TASP1: variants seen among roughly 807,000 people sequenced by gnomAD.
The protein encoded by TASP1 is threonine aspartase 1.
In TASP1, 16 loss-of-function variants were observed where a neutral mutation model predicts 56.6. That is an observed-to-expected ratio of 0.28 (90% confidence interval 0.19 to 0.43). The LOEUF (loss-of-function observed/expected upper bound fraction) is 0.43, where lower values mean the gene tolerates loss of function less well. Ranked by LOEUF, TASP1 falls within the 20% of genes least tolerant of loss-of-function variation. TASP1 has a pLI of 1.00. For synonymous variants in TASP1, 179 were observed against 184.2 expected, an observed-to-expected ratio of 0.97 and a Z score of 0.23; for missense variants, 393 against 511.6, an observed-to-expected ratio of 0.77 and a Z score of 2.24.
chr20:13,434,090 G>T (rs1170622761), intron 12 of TASP1, among the ~76,000 whole-genome samples: 1 of 151,940 alleles, frequency 6.6e-6, no homozygotes, highest in Non-Finnish European at 1.5e-5. Context: ...ACTTTGGAGG[G>T]GATAAAGACC....
chr20:13,392,779 C>A, intron 13 of TASP1: 1 of 608,170 alleles, frequency 1.6e-6, no homozygotes, highest in Non-Finnish European at 3.1e-6. Flanking sequence ...CATCAGTGAC[C>A]CCTTCCTTGA....
At chr20:13,581,657 T>C (rs953689278) in intron 5 of TASP1, among the ~76,000 whole-genome samples, 4 of 152,258 alleles carry the variant, frequency 2.6e-5, no homozygotes, top group East Asian at 1.9e-4. Flanking sequence ...CAGGACAGTT[T>C]TGAGTGTGAT....
intron 4 of TASP1, among the ~76,000 whole-genome samples, chr20:13,600,858 T>C (rs73088100): frequency 0.014 from 2,206 of 152,224 alleles, 23 homozygotes; most frequent in Middle Eastern, 0.034. Flanking sequence ...AGAGGCCCTA[T>C]AAACAATGAT....
At chr20:13,325,228 C>T in the TASP1 span, among the ~76,000 whole-genome samples, 1 of 152,194 alleles carries the variant, frequency 6.6e-6, no homozygotes, top group South Asian at 2.1e-4. Context: ...GGTATCACAA[C>T]TGAGACTTAT....
At chr20:13,283,898 C>T in the TASP1 span, among the ~76,000 whole-genome samples, 2 of 152,052 alleles carry the variant, frequency 1.3e-5, no homozygotes, top group African/African-American at 2.4e-5. Context: ...ATTATGGCCA[C>T]GTAAGAGCGT....
At chr20:13,156,349 A>G in the TASP1 span, among the ~76,000 whole-genome samples, 1 of 152,344 alleles carries the variant, frequency 6.6e-6, no homozygotes, top group East Asian at 1.9e-4. Context: ...AGAGTCCGTA[A>G]GTAGTGAAAA....
the TASP1 span, among the ~76,000 whole-genome samples, chr20:13,181,592 A>G: frequency 4.1e-3 from 618 of 152,332 alleles, 3 homozygotes; most frequent in African/African-American, 0.014. Context: ...ATGTCTTGAC[A>G]AAGAAACTAC....
the TASP1 span, among the ~76,000 whole-genome samples, chr20:13,268,426 T>A: frequency 7.1e-6 from 1 of 140,636 alleles, no homozygotes. Flanking sequence ...CAAACAATAA[T>A]ACATTTGGCC....
At chr20:13,628,596 G>A (rs907197485) in intron 2 of TASP1, among the ~76,000 whole-genome samples, 5 of 152,082 alleles carry the variant, frequency 3.3e-5, no homozygotes, top group South Asian at 4.2e-4. Flanking sequence ...GTCTAGATAT[G>A]GCCAAACGTT....
chr20:13,259,025 G>A, the TASP1 span, among the ~76,000 whole-genome samples: 1 of 152,190 alleles, frequency 6.6e-6, no homozygotes, highest in African/African-American at 2.4e-5. Context: ...GCTCATGCCT[G>A]TAATCCCAAC....
intron 4 of TASP1, among the ~76,000 whole-genome samples, chr20:13,601,119 A>C (rs150081515): frequency 3.2e-4 from 49 of 152,270 alleles, no homozygotes; most frequent in African/African-American, 1.1e-3. Flanking sequence ...CTAAAAAATA[A>C]AATACAAAAA....
the TASP1 span, among the ~76,000 whole-genome samples, chr20:13,190,077 A>G: frequency 6.6e-6 from 1 of 152,180 alleles, no homozygotes; most frequent in Non-Finnish European, 1.5e-5. Context: ...GCACATTCTC[A>G]CTTACAAGTG....
At chr20:13,393,850 CATGAATAAAGT>C (rs2041391813) in intron 13 of TASP1, among the ~76,000 whole-genome samples, 1 of 151,522 alleles carries the variant, frequency 6.6e-6, no homozygotes, top group Non-Finnish European at 1.5e-5. Context: ...TGTTGTATAC[CATGAATAAAGT>C]CCCCTGCGCT....
chr20:13,350,203 TAATAA>T, the TASP1 span, among the ~76,000 whole-genome samples: 7 of 142,554 alleles, frequency 4.9e-5, no homozygotes, highest in African/African-American at 1.4e-4. Flanking sequence ...AGAATCTGTA[TAATAA>T]AAACTCCAAA....
intron 8 of TASP1, among the ~76,000 whole-genome samples, chr20:13,552,127 C>A (rs936129078): frequency 4.6e-5 from 7 of 152,166 alleles, no homozygotes; most frequent in African/African-American, 7.2e-5. Flanking sequence ...TTAAATCACA[C>A]CAGTCCCTCG....
chr20:13,349,252 G>T, the TASP1 span, among the ~76,000 whole-genome samples: 1 of 152,166 alleles, frequency 6.6e-6, no homozygotes, highest in Non-Finnish European at 1.5e-5. Context: ...CCGGACCACA[G>T]AGATATCTGG....
intron 6 of TASP1, among the ~76,000 whole-genome samples, chr20:13,576,359 AAGAAAGAAAGAAAGAAAG>A (rs1008007019): frequency 2.0e-4 from 24 of 117,246 alleles, no homozygotes; most frequent in Admixed American, 4.3e-4. Context: ...GAAAGAAAGA[AAGAAAGAAAGAAAGAAAG>A]AAAGAAAGAA....
At chr20:13,152,752 C>T in the TASP1 span, among the ~76,000 whole-genome samples, 51 of 152,162 alleles carry the variant, frequency 3.4e-4, no homozygotes, top group Admixed American at 5.9e-4. Context: ...CAGGGCCAAC[C>T]CTACTCAAAC....
At chr20:13,221,841 C>G in the TASP1 span, 2 of 1,443,308 alleles carry the variant, frequency 1.4e-6, no homozygotes, top group East Asian at 6.1e-5. Flanking sequence ...CTGCACATCA[C>G]CGTGCTGCGC....
Sources: allele counts gnomAD v4.1 joint callset (sites outside exome capture counted in the v4.1 genomes callset), GRCh38; gene constraint gnomAD v4.1.1; transcripts MANE v1.5; gene names NCBI Gene and HGNC (gene_info 2026-07-23, HGNC 2026-07-21).